EFNA5: variants seen among roughly 807,000 people sequenced by gnomAD.
EFNA5 encodes the protein ephrin A5.
Under a neutral mutation model 22.9 loss-of-function variants are expected in EFNA5, and 5 were observed. The ratio of observed to expected loss-of-function variants is 0.22; its 90% CI spans 0.11 to 0.46. The LOEUF is 0.46. Ranked by LOEUF, EFNA5 falls within the 20% of genes least tolerant of loss-of-function variation. The probability of loss-of-function intolerance (pLI) is 0.99; values close to 1 mark genes in which losing one functional copy is unlikely to be tolerated. For synonymous variants in EFNA5, 113 were observed against 112.2 expected, an observed-to-expected ratio of 1.01 and a Z score of -0.04; for missense variants, 237 against 293.3, an observed-to-expected ratio of 0.81 and a Z score of 1.40.
chr5:107,541,733 T>G (rs534443072), intron 1 of EFNA5, among the ~76,000 whole-genome samples: 2 of 152,224 alleles, frequency 1.3e-5, no homozygotes, highest in Admixed American at 6.5e-5. Context: ...GCTTAACTTA[T>G]AGATTTTATA....
At chr5:107,482,850 C>T (rs245657) in intron 1 of EFNA5, among the ~76,000 whole-genome samples, 41 of 66,992 alleles carry the variant, frequency 6.1e-4, no homozygotes, top group African/African-American at 2.6e-3. Flanking sequence ...CTCTCTCTCT[C>T]TCTCTCTCTC....
At chr5:107,463,537 T>C (rs1580468269) in intron 1 of EFNA5, among the ~76,000 whole-genome samples, 1 of 152,156 alleles carries the variant, frequency 6.6e-6, no homozygotes, top group East Asian at 1.9e-4. Context: ...TGTGTATGTG[T>C]ATATGTAATT....
intron 1 of EFNA5, among the ~76,000 whole-genome samples, chr5:107,648,040 G>A (rs762246683): frequency 2.0e-5 from 3 of 152,054 alleles, no homozygotes; most frequent in Non-Finnish European, 2.9e-5. Flanking sequence ...TGATGCAAAC[G>A]CATTTAGTAA....
At position 107,380,984 on chromosome 5, in the gene EFNA5, T is replaced by C; in HGVS notation, c.*271A>G. On this transcript the variant is annotated 3_prime_UTR_variant, in exon 5 of 5. Transcript: ENST00000333274. The stretch of plus-strand genomic sequence containing the variant: ...CTGGTGTCACTATGACAATTTGGCA[T>C]TTTCATCTGGAGTCCATTTAATTTG... 1 of 486,862 alleles carries C rather than the reference T, an allele frequency of 2.1e-6. No individual in the cohort carries two copies. The highest frequency in any genetic ancestry group is 4.7e-5 in the South Asian group (1 of 21,078). The allele number at this position is 486,862 out of a possible 1,614,324, so 30.2% of individuals were successfully genotyped here.
intron 2 of EFNA5, among the ~76,000 whole-genome samples, chr5:107,417,175 C>G (rs1402708785): frequency 6.6e-6 from 1 of 152,070 alleles, no homozygotes; most frequent in Admixed American, 6.6e-5. Flanking sequence ...AAAACTAAAA[C>G]TTAGCTAACA....
chr5:107,491,777 T>C (rs1021326603), intron 1 of EFNA5, among the ~76,000 whole-genome samples: 1 of 152,214 alleles, frequency 6.6e-6, no homozygotes, highest in African/African-American at 2.4e-5. Context: ...TATACCCTTT[T>C]ATAGCTTTTA....
At chr5:107,655,384 T>A (rs1429841951) in intron 1 of EFNA5, among the ~76,000 whole-genome samples, 1 of 152,150 alleles carries the variant, frequency 6.6e-6, no homozygotes, top group Non-Finnish European at 1.5e-5. Context: ...AGCTTTCCTA[T>A]GAGCACAGCG....
intron 1 of EFNA5, among the ~76,000 whole-genome samples, chr5:107,669,412 G>A (rs1395060188): frequency 1.3e-5 from 2 of 151,986 alleles, no homozygotes; most frequent in Non-Finnish European, 2.9e-5. Flanking sequence ...GCTAGCCTCT[G>A]TCCCAGAGAA....
intron 1 of EFNA5, among the ~76,000 whole-genome samples, chr5:107,474,996 T>C (rs185642059): frequency 6.0e-4 from 92 of 152,358 alleles, no homozygotes; most frequent in Admixed American, 6.0e-3. Flanking sequence ...GTGAGGTTAC[T>C]TCCTGCTTCC....
intron 1 of EFNA5, among the ~76,000 whole-genome samples, chr5:107,436,906 AG>A (rs1413595849): frequency 6.6e-6 from 1 of 151,992 alleles, no homozygotes; most frequent in Admixed American, 6.6e-5. Context: ...GGCTATTCAC[AG>A]TTTCAAAAAT....
intron 1 of EFNA5, among the ~76,000 whole-genome samples, chr5:107,569,575 A>ATATATT (rs1421285945): frequency 8.1e-5 from 2 of 24,584 alleles, no homozygotes; most frequent in Non-Finnish European, 2.5e-4. Context: ...ATATATATAT[A>ATATATT]TATATATATA....
At chr5:107,524,259 C>A (rs956904851) in intron 1 of EFNA5, among the ~76,000 whole-genome samples, 1 of 152,176 alleles carries the variant, frequency 6.6e-6, no homozygotes, top group Non-Finnish European at 1.5e-5. Context: ...AAAAAATTCA[C>A]TGGAAGTAAC....
At chr5:107,513,429 G>A (rs1747415150) in intron 1 of EFNA5, among the ~76,000 whole-genome samples, 1 of 152,166 alleles carries the variant, frequency 6.6e-6, no homozygotes, top group Admixed American at 6.5e-5. Flanking sequence ...TCAGGAATGG[G>A]TACTCTCCCA....
In EFNA5 at chr5:107,381,082, T is replaced by A. The variant is rs951506930; in HGVS notation, c.*173A>T. 1.0e-6 allele frequency: 1 copy of A among 961,390 alleles called. No homozygotes were observed. Among genetic ancestry groups the A allele is most frequent in the Non-Finnish European group, 1.5e-6 (1 of 681,550 alleles). 59.6% of individuals were successfully genotyped at this position (961,390 alleles called of 1,614,324 possible). On this transcript the variant is annotated 3_prime_UTR_variant, in exon 5 of 5. Coordinates refer to ENST00000333274, the MANE Select transcript of EFNA5 (RefSeq NM_001962.3). The stretch of plus-strand genomic sequence containing the variant: ...GGGGTGAGGGAGGCAGGAACAAGTT[T>A]AGGCCCCCAACCTGAAGTTGTTGCT...
At chr5:107,563,844 C>T (rs976964512) in intron 1 of EFNA5, among the ~76,000 whole-genome samples, 2 of 152,354 alleles carry the variant, frequency 1.3e-5, no homozygotes, top group East Asian at 3.9e-4. Context: ...TCTCCAGTCT[C>T]ACCTGACCTT....
chr5:107,438,412 C>CT (rs1476274139), intron 1 of EFNA5, among the ~76,000 whole-genome samples: 1 of 152,192 alleles, frequency 6.6e-6, no homozygotes. Flanking sequence ...TCCAAGACCC[C>CT]TTTTCAGCCC....
At chr5:107,465,005 G>C (rs779177187) in intron 1 of EFNA5, among the ~76,000 whole-genome samples, 2 of 151,434 alleles carry the variant, frequency 1.3e-5, no homozygotes, top group African/African-American at 4.9e-5. Context: ...TGAGCTCACC[G>C]AGGAAGCACG....
chr5:107,660,216 G>A (rs1750916256), intron 1 of EFNA5, among the ~76,000 whole-genome samples: 1 of 138,326 alleles, frequency 7.2e-6, no homozygotes, highest in East Asian at 2.0e-4. Context: ...CAACCACAGT[G>A]GGAACACTGC....
At chr5:107,560,153 T>C (rs760861978) in intron 1 of EFNA5, among the ~76,000 whole-genome samples, 7 of 152,236 alleles carry the variant, frequency 4.6e-5, no homozygotes, top group Non-Finnish European at 8.8e-5. Flanking sequence ...TTTTAAGAGA[T>C]TGCTTTTACA....
Sources: allele counts gnomAD v4.1 joint callset (sites outside exome capture counted in the v4.1 genomes callset), GRCh38; gene constraint gnomAD v4.1.1; transcripts MANE v1.5; gene names NCBI Gene and HGNC (gene_info 2026-07-23, HGNC 2026-07-21).